SHISA6: variants seen among roughly 807,000 people sequenced by gnomAD.
SHISA6 encodes shisa family member 6.
In SHISA6, 22 loss-of-function variants were observed where a neutral mutation model predicts 47.9. The ratio of observed to expected loss-of-function variants is 0.46; its 90% CI spans 0.33 to 0.66. The LOEUF (loss-of-function observed/expected upper bound fraction) is 0.66. SHISA6 is among the 30% of genes least tolerant of loss of function. The pLI, the probability that SHISA6 is intolerant of heterozygous loss-of-function variation, is 0.02. For missense variants in SHISA6, 680 were observed against 764.6 expected, an observed-to-expected ratio of 0.89 and a Z score of 1.30; for synonymous variants, 388 against 337.8, an observed-to-expected ratio of 1.15 and a Z score of -1.63.
chr17:11,435,326 G>T (rs904989611), intron 3 of SHISA6, among the ~76,000 whole-genome samples: 4 of 152,042 alleles, frequency 2.6e-5, no homozygotes, highest in Admixed American at 1.3e-4. Flanking sequence ...GTCTGAACAG[G>T]AAAATATCTT....
chr17:11,379,541 AG>A (rs113370473), intron 3 of SHISA6, 32 bp downstream of exon 3: 36,305 of 1,456,910 alleles, frequency 0.025, 1,200 homozygotes, highest in Admixed American at 0.11. Context: ...ACTAAAATAC[AG>A]AGGTTGCCTA....
chr17:11,296,919 G>T (rs1490196181), intron 2 of SHISA6, among the ~76,000 whole-genome samples: 1 of 152,162 alleles, frequency 6.6e-6, no homozygotes, highest in Non-Finnish European at 1.5e-5. Context: ...CCATGGAGGG[G>T]CTAAATGATT....
chr17:11,516,273 C>T (rs957023900), intron 3 of SHISA6, among the ~76,000 whole-genome samples: 21 of 152,180 alleles, frequency 1.4e-4, no homozygotes, highest in African/African-American at 3.9e-4. Context: ...CCGTTGGGGG[C>T]AGATGCCAAG....
chr17:11,350,219 G>T (rs916270174), intron 2 of SHISA6, among the ~76,000 whole-genome samples: 1 of 101,644 alleles, frequency 9.8e-6, no homozygotes, highest in Non-Finnish European at 1.9e-5. Context: ...TCGCTCTGTC[G>T]CCCAGGCTGG....
chr17:11,479,834 T>A (rs1449562648), intron 3 of SHISA6, among the ~76,000 whole-genome samples: 2 of 151,964 alleles, frequency 1.3e-5, no homozygotes, highest in Non-Finnish European at 1.5e-5. Context: ...AGTAAAAATA[T>A]GAGAAATAAG....
chr17:11,272,241 C>T (rs558626443), intron 2 of SHISA6, among the ~76,000 whole-genome samples: 1 of 152,264 alleles, frequency 6.6e-6, no homozygotes, highest in African/African-American at 2.4e-5. Context: ...TCTCTGTCTT[C>T]TATAGCTCCC....
intron 3 of SHISA6, among the ~76,000 whole-genome samples, chr17:11,432,639 G>A (rs1248294598): frequency 1.3e-5 from 2 of 152,144 alleles, no homozygotes; most frequent in Non-Finnish European, 1.5e-5. Context: ...CACTTTATCT[G>A]TGTCAATCCA....
chr17:11,403,265 G>A (rs1487145733), intron 3 of SHISA6, among the ~76,000 whole-genome samples: 1 of 152,138 alleles, frequency 6.6e-6, no homozygotes, highest in Non-Finnish European at 1.5e-5. Context: ...ATAGGGGGAG[G>A]TTCAAAAGCC....
intron 1 of SHISA6, among the ~76,000 whole-genome samples, chr17:11,242,950 C>G (rs1291568367): frequency 6.6e-6 from 1 of 152,120 alleles, no homozygotes; most frequent in Non-Finnish European, 1.5e-5. Flanking sequence ...GAATGACACA[C>G]CCAGAGGATG....
intron 3 of SHISA6, among the ~76,000 whole-genome samples, chr17:11,525,587 C>T (rs1288338030): frequency 4.8e-5 from 6 of 123,972 alleles, no homozygotes; most frequent in Non-Finnish European, 7.8e-5. Context: ...GAGCCGAGAT[C>T]GCGCCACTGC....
chr17:11,398,090 G>C (rs1913635137), intron 3 of SHISA6, among the ~76,000 whole-genome samples: 1 of 151,998 alleles, frequency 6.6e-6, no homozygotes. Flanking sequence ...TATTGTGTTA[G>C]ATTTTCTCCT....
chr17:11,360,884 C>T (rs1912250513), intron 2 of SHISA6, among the ~76,000 whole-genome samples: 2 of 151,622 alleles, frequency 1.3e-5, no homozygotes, highest in East Asian at 3.9e-4. Context: ...GGGTGGCAGG[C>T]ACCCTAACAT....
At chr17:11,505,711 C>A (rs1008121094) in intron 3 of SHISA6, among the ~76,000 whole-genome samples, 1 of 152,112 alleles carries the variant, frequency 6.6e-6, no homozygotes, top group South Asian at 2.1e-4. Flanking sequence ...AAAATTAAGT[C>A]CCAGATGCAT....
chr17:11,376,573 C>T (rs1912809720), intron 2 of SHISA6, among the ~76,000 whole-genome samples: 1 of 152,032 alleles, frequency 6.6e-6, no homozygotes, highest in Non-Finnish European at 1.5e-5. Context: ...ATCCACCCAC[C>T]TCGGCCTTCC....
chr17:11,446,457 C>T (rs1364676586), intron 3 of SHISA6, among the ~76,000 whole-genome samples: 1 of 152,224 alleles, frequency 6.6e-6, no homozygotes, highest in East Asian at 1.9e-4. Flanking sequence ...CCTCTTCAAG[C>T]TTGTTTGTGC....
chr17:11,473,079 T>C (rs901547812), intron 3 of SHISA6, among the ~76,000 whole-genome samples: 2 of 152,220 alleles, frequency 1.3e-5, no homozygotes, highest in Non-Finnish European at 2.9e-5. Flanking sequence ...ATAAAATGTG[T>C]CTTTGGCATA....
chr17:11,274,721 T>C (rs1352387196), intron 2 of SHISA6, among the ~76,000 whole-genome samples: 1 of 151,920 alleles, frequency 6.6e-6, no homozygotes, highest in Non-Finnish European at 1.5e-5. Flanking sequence ...AGCTGAAAGG[T>C]GGATTAGACA....
chr17:11,306,064 GA>G, intron 2 of SHISA6, among the ~76,000 whole-genome samples: 1 of 152,094 alleles, frequency 6.6e-6, no homozygotes, highest in East Asian at 1.9e-4. Context: ...ATGAAGACCT[GA>G]AAAAATAGCT....
At chr17:11,388,414 G>A (rs1365966630) in intron 3 of SHISA6, among the ~76,000 whole-genome samples, 5 of 152,060 alleles carry the variant, frequency 3.3e-5, no homozygotes, top group Admixed American at 2.6e-4. Flanking sequence ...AGGAACTCTC[G>A]GGTTCTGGGC....
Sources: allele counts gnomAD v4.1 joint callset (sites outside exome capture counted in the v4.1 genomes callset), GRCh38; gene constraint gnomAD v4.1.1; transcripts MANE v1.5; gene names NCBI Gene and HGNC (gene_info 2026-07-23, HGNC 2026-07-21).